GLCE: variants seen among roughly 807,000 people sequenced by gnomAD.
GLCE encodes D-glucuronyl C5-epimerase.
GLCE carries 19 observed loss-of-function variants against 47.9 expected under a neutral mutation model. That is an observed-to-expected ratio of 0.40 (90% confidence interval 0.28 to 0.58). GLCE has a LOEUF of 0.58. GLCE is among the 20% of genes least tolerant of loss of function. The pLI is 0.48. For synonymous variants in GLCE, 245 were observed against 263.4 expected (o/e 0.93, Z 0.68); for missense variants, 556 against 743.3 (o/e 0.75, Z 2.93).
intron 1 of GLCE, among the ~76,000 whole-genome samples, chr15:69,163,947 A>G (rs1423207972): frequency 6.6e-6 from 1 of 152,180 alleles, no homozygotes; most frequent in Non-Finnish European, 1.5e-5. Flanking sequence ...GCACAACAAA[A>G]TAAGAAAAGA....
At chr15:69,253,159 C>T (rs985962226) in intron 2 of GLCE, among the ~76,000 whole-genome samples, 1 of 152,208 alleles carries the variant, frequency 6.6e-6, no homozygotes, top group Non-Finnish European at 1.5e-5. Flanking sequence ...TTCACCCCTA[C>T]ACTTGAATAC....
In GLCE at chr15:69,240,094, G is replaced by A. The variant is rs183399907; in HGVS notation, c.-13-15700G>A. 3.3e-3 allele frequency among the ~76,000 whole-genome samples: 501 copies of A among 152,132 alleles called. 2 individuals carry two copies. Among genetic ancestry groups the A allele is most frequent in the Non-Finnish European group, 4.0e-3 (270 of 68,024 alleles). On this transcript the variant is annotated intron_variant, in intron 2 of 4. Coordinates refer to ENST00000261858, the MANE Select transcript of GLCE (RefSeq NM_015554.3). Reference sequence around the variant, plus strand: ...TGGGTCATATAATGGCTTTATAATGGATTAGGCTGAAAATAGGGATTAATC... The same window carrying A: ...TGGGTCATATAATGGCTTTATAATGAATTAGGCTGAAAATAGGGATTAATC...
chr15:69,255,177 T>C (rs1433688947), intron 2 of GLCE, among the ~76,000 whole-genome samples: 1 of 152,204 alleles, frequency 6.6e-6, no homozygotes, highest in Non-Finnish European at 1.5e-5. Context: ...ACTGTGTTTT[T>C]TCAGACAGCT....
At chr15:69,220,491 T>C (rs895469851) in intron 2 of GLCE, among the ~76,000 whole-genome samples, 1 of 152,164 alleles carries the variant, frequency 6.6e-6, no homozygotes, top group Admixed American at 6.5e-5. Flanking sequence ...TATGAGGCAG[T>C]ATCTCATTGT....
chr15:69,173,311 T>C (rs745618962), intron 1 of GLCE, among the ~76,000 whole-genome samples: 14 of 152,212 alleles, frequency 9.2e-5, no homozygotes, highest in Non-Finnish European at 1.3e-4. Context: ...TTGAGGTTGT[T>C]TAGCATGGAA....
chr15:69,179,125 A>G (rs1298207045), intron 1 of GLCE, among the ~76,000 whole-genome samples: 2 of 152,358 alleles, frequency 1.3e-5, no homozygotes, highest in African/African-American at 4.8e-5. Flanking sequence ...CTTTTCTAGA[A>G]GGATACACAA....
At position 69,249,305 on chromosome 15, in the gene GLCE, G is replaced by A. The variant is rs116454809; in HGVS notation, c.-13-6489G>A. Among the ~76,000 whole-genome samples the A allele has an allele frequency of 2.2e-3, 329 of 152,224 alleles. 1 individual carries two copies. The highest frequency in any genetic ancestry group is 5.8e-3 in the African/African-American group (240 of 41,538). On this transcript the variant is annotated intron_variant, in intron 2 of 4. Transcript: ENST00000261858. ...TCTTAACACCTTAAAAGGTTAAGGT[G>A]TTTTATAGCATAGTCTACATAACTT...
intron 1 of GLCE, among the ~76,000 whole-genome samples, chr15:69,201,423 G>A (rs2052075348): frequency 6.6e-6 from 1 of 151,744 alleles, no homozygotes; most frequent in South Asian, 2.1e-4. Context: ...AGGCACTGGG[G>A]CTATTGTGGT....
At chr15:69,202,803 C>T (rs541208758) in intron 1 of GLCE, among the ~76,000 whole-genome samples, 66 of 151,798 alleles carry the variant, frequency 4.3e-4, no homozygotes, top group Middle Eastern at 3.4e-3. Context: ...AATTTCAGTA[C>T]ATACCAAGTT....
At chr15:69,171,673 G>A (rs1317854437) in intron 1 of GLCE, among the ~76,000 whole-genome samples, 1 of 152,154 alleles carries the variant, frequency 6.6e-6, no homozygotes, top group Non-Finnish European at 1.5e-5. Flanking sequence ...TGGGATTACA[G>A]GCGTGAGCCA....
intron 1 of GLCE, among the ~76,000 whole-genome samples, chr15:69,167,659 A>G (rs1223408919): frequency 6.6e-6 from 1 of 152,214 alleles, no homozygotes; most frequent in Non-Finnish European, 1.5e-5. Context: ...ATTGCAAGGT[A>G]GTGTATAAAG....
intron 1 of GLCE, among the ~76,000 whole-genome samples, chr15:69,190,373 T>A (rs1002288928): frequency 1.3e-5 from 2 of 152,158 alleles, no homozygotes; most frequent in Non-Finnish European, 2.9e-5. Context: ...GTTGTGTCAT[T>A]ATTGAGAGAT....
In GLCE at chr15:69,248,759, C is replaced by G. The variant is rs1348498392; in HGVS notation, c.-13-7035C>G. Reference sequence around the variant, plus strand: ...GGGACAACAGGTGCGCACCACCACGCCCAGCTAATTTTTTGTATTTTTAGT... The same window carrying G: ...GGGACAACAGGTGCGCACCACCACGGCCAGCTAATTTTTTGTATTTTTAGT... On this transcript the variant is annotated intron_variant, in intron 2 of 4. Transcript: ENST00000261858. 5.3e-5 allele frequency among the ~76,000 whole-genome samples: 8 copies of G among 152,168 alleles called. No individual in the cohort carries two copies. In the East Asian group the frequency reaches 1.5e-3, roughly 29 times the overall value.
At chr15:69,176,000 G>T (rs1378624279) in intron 1 of GLCE, among the ~76,000 whole-genome samples, 2 of 152,038 alleles carry the variant, frequency 1.3e-5, no homozygotes, top group African/African-American at 4.8e-5. Context: ...ATCTTACATT[G>T]TACTTTGTCA....
intron 4 of GLCE, 78 bp from the exon 5 acceptor site, chr15:69,268,142 G>T: frequency 1.2e-6 from 1 of 841,868 alleles, no homozygotes; most frequent in South Asian, 1.9e-5. Flanking sequence ...GGGTTTTCAA[G>T]GATGAATTGC....
In GLCE at chr15:69,203,108, G is replaced by A. The variant is rs1423101241; in HGVS notation, c.-104-7208G>A. 2.0e-5 allele frequency among the ~76,000 whole-genome samples: 3 copies of A among 152,064 alleles called. No individual in the cohort carries two copies. The East Asian group carries it at 5.8e-4, about 29-fold the overall frequency. ...CTTTAAAATGTTACTAGGTAATGTT[G>A]ATTTCTGTGAACTTAGCATTTCAGT... On this transcript the variant is annotated intron_variant, in intron 1 of 4. Transcript: ENST00000261858.
rs1314496907 is a variant in GLCE at position 69,270,674 on chromosome 15, A to ATATT, written c.*1432_*1435dup. The ATATT allele has an allele frequency of 6.6e-6, 1 of 152,200 alleles. No individual in the cohort carries two copies. The highest frequency in any genetic ancestry group is 2.4e-5 in the African/African-American group (1 of 41,458). The allele number at this position is 152,200 out of a possible 1,614,324, so 9.4% of individuals were successfully genotyped here. ...CAGGTAGGTTACCTGCTTACACACTATATTTTAATTGAATTCAAACTATCA... is the reference window on the plus strand; with the variant it reads ...CAGGTAGGTTACCTGCTTACACACTATATTTATTTTAATTGAATTCAAACTATCA... On this transcript the variant is annotated 3_prime_UTR_variant, in exon 5 of 5. Coordinates refer to ENST00000261858, the MANE Select transcript of GLCE (RefSeq NM_015554.3).
At chr15:69,227,114 A>T (rs1308505017) in intron 2 of GLCE, among the ~76,000 whole-genome samples, 1 of 152,076 alleles carries the variant, frequency 6.6e-6, no homozygotes, top group Admixed American at 6.5e-5. Context: ...ATGTGTATAA[A>T]ATATATATAA....
At chr15:69,205,052 GTTGA>G in intron 1 of GLCE, among the ~76,000 whole-genome samples, 1 of 152,014 alleles carries the variant, frequency 6.6e-6, no homozygotes, top group East Asian at 1.9e-4. Flanking sequence ...CCTATGTATA[GTTGA>G]TATATTTCAA....
Sources: gnomAD v4.1 joint callset for allele counts (sites outside exome capture counted in the v4.1 genomes callset) on GRCh38, gnomAD v4.1.1 for gene constraint, MANE v1.5 for transcripts, NCBI Gene and HGNC (gene_info 2026-07-23, HGNC 2026-07-21) for gene names.